The following EFNA5 variants were observed in gnomAD, a reference collection of about 807,000 sequenced individuals.
EFNA5 encodes the protein ephrin-A5.
A neutral mutation model predicts 22.9 loss-of-function variants in EFNA5; 5 were observed. That is an observed-to-expected ratio of 0.22 (90% confidence interval 0.11 to 0.46). The LOEUF is 0.46. Among genes scored for constraint, EFNA5 ranks in the 20% least tolerant of loss-of-function variants. The pLI is 0.99. For missense variants in EFNA5, 237 were observed against 293.3 expected (o/e 0.81, Z 1.40); for synonymous variants, 113 against 112.2 (o/e 1.01, Z -0.04).
At chr5:107,670,464 G>A (rs1242639432) in intron 1 of EFNA5, 25 bp downstream of exon 1, 13 of 1,548,016 alleles carry the variant, frequency 8.4e-6, no homozygotes, top group Non-Finnish European at 9.6e-6. Flanking sequence ...GGGTAGCCCT[G>A]GCTCTCCGCC....
rs76940760 is a variant in EFNA5 at position 107,417,912 on chromosome 5, G to T, written c.418+9305C>A. Among the ~76,000 whole-genome samples the T allele has an allele frequency of 2.0e-4, 31 of 152,314 alleles. No homozygotes were observed. The East Asian group carries it at 5.6e-3, about 27-fold the overall frequency. The stretch of plus-strand genomic sequence containing the variant: ...GAAAATAGAGCAAGAATAGATGAGT[G>T]GGAAAGTCTGTAGAAATAGTATTTC... On this transcript the variant is annotated intron_variant, in intron 2 of 4. Coordinates refer to ENST00000333274, the MANE Select transcript of EFNA5 (RefSeq NM_001962.3).
At chr5:107,556,580 TA>T (rs1232460774) in intron 1 of EFNA5, among the ~76,000 whole-genome samples, 1 of 151,892 alleles carries the variant, frequency 6.6e-6, no homozygotes, top group Non-Finnish European at 1.5e-5. Flanking sequence ...ACCCCGTTTC[TA>T]GTAAAAATAC....
intron 2 of EFNA5, among the ~76,000 whole-genome samples, chr5:107,409,766 C>T (rs1036799686): frequency 6.6e-6 from 1 of 152,144 alleles, no homozygotes; most frequent in Non-Finnish European, 1.5e-5. Flanking sequence ...TGCTATGAGT[C>T]AGAAGCACAG....
intron 1 of EFNA5, among the ~76,000 whole-genome samples, chr5:107,567,081 A>G (rs993114566): frequency 6.6e-6 from 1 of 152,232 alleles, no homozygotes; most frequent in African/African-American, 2.4e-5. Context: ...CAAAGAAATT[A>G]AAGCTAGATA....
In EFNA5 at chr5:107,415,531, G is replaced by A. The variant is rs142761716; in HGVS notation, c.418+11686C>T. 1.1e-3 allele frequency among the ~76,000 whole-genome samples: 164 copies of A among 152,240 alleles called. 1 individual carries two copies. The highest frequency in any genetic ancestry group is 3.7e-3 in the African/African-American group (155 of 41,530). Reference sequence around the variant, plus strand: ...AGTAAGAGAAGAAATCCACGTGAGCGGTGTGAAGCTTGTTTTTTGGAGGGC... The same window carrying A: ...AGTAAGAGAAGAAATCCACGTGAGCAGTGTGAAGCTTGTTTTTTGGAGGGC... On this transcript the variant is annotated intron_variant, in intron 2 of 4. Coordinates refer to ENST00000333274, the MANE Select transcript of EFNA5 (RefSeq NM_001962.3).
At chr5:107,443,138 G>A (rs1198676160) in intron 1 of EFNA5, among the ~76,000 whole-genome samples, 1 of 152,016 alleles carries the variant, frequency 6.6e-6, no homozygotes, top group Non-Finnish European at 1.5e-5. Flanking sequence ...ATATTAAATC[G>A]ACCAGCAACA....
chr5:107,527,704 T>C (rs1177716923), intron 1 of EFNA5, among the ~76,000 whole-genome samples: 1 of 152,008 alleles, frequency 6.6e-6, no homozygotes, highest in Admixed American at 6.6e-5. Context: ...CTTTTCAGAG[T>C]AGTCTCATGC....
At chr5:107,382,098 C>T (rs908714349) in intron 4 of EFNA5, among the ~76,000 whole-genome samples, 1 of 152,138 alleles carries the variant, frequency 6.6e-6, no homozygotes, top group Non-Finnish European at 1.5e-5. Flanking sequence ...AAATTATCAG[C>T]GTGGATGCAA....
chr5:107,455,494 A>C (rs1242732050), intron 1 of EFNA5, among the ~76,000 whole-genome samples: 1 of 152,178 alleles, frequency 6.6e-6, no homozygotes, highest in Non-Finnish European at 1.5e-5. Flanking sequence ...TTGTGGGATA[A>C]GGAATTACTA....
intron 1 of EFNA5, among the ~76,000 whole-genome samples, chr5:107,446,976 A>T (rs1435106562): frequency 6.6e-6 from 1 of 152,198 alleles, no homozygotes; most frequent in Non-Finnish European, 1.5e-5. Context: ...AGTGAATGTC[A>T]ATCCTTAAAT....
intron 1 of EFNA5, among the ~76,000 whole-genome samples, chr5:107,428,465 A>G (rs557348570): frequency 1.2e-3 from 176 of 152,102 alleles, no homozygotes; most frequent in Non-Finnish European, 1.7e-3. Flanking sequence ...TCATCTCACA[A>G]AAGTTTTGCT....
At chr5:107,438,603 T>C (rs1049976601) in intron 1 of EFNA5, among the ~76,000 whole-genome samples, 3 of 152,166 alleles carry the variant, frequency 2.0e-5, no homozygotes, top group Non-Finnish European at 4.4e-5. Flanking sequence ...TCCACCTACC[T>C]GACATCCAGT....
intron 1 of EFNA5, among the ~76,000 whole-genome samples, chr5:107,623,984 C>T (rs183710889): frequency 9.4e-4 from 143 of 151,924 alleles, no homozygotes; most frequent in Middle Eastern, 3.4e-3. Context: ...GTGGGGGAGT[C>T]GCCTACTTCA....
rs567228606 is a variant in EFNA5 at position 107,524,128 on chromosome 5, A to G, written c.126-96619T>C. On this transcript the variant is annotated intron_variant, in intron 1 of 4. Coordinates refer to ENST00000333274, the MANE Select transcript of EFNA5 (RefSeq NM_001962.3). ...GATACTATTTAACCTCTTTTCACCC[A>G]TGGCAATCTTTACCGTAGATGAAGT... 9.8e-4 allele frequency among the ~76,000 whole-genome samples: 149 copies of G among 152,320 alleles called. 1 individual carries two copies. The highest frequency in any genetic ancestry group is 3.2e-3 in the African/African-American group (134 of 41,568).
chr5:107,639,980 A>T (rs1750469142), intron 1 of EFNA5, among the ~76,000 whole-genome samples: 1 of 152,326 alleles, frequency 6.6e-6, no homozygotes, highest in Non-Finnish European at 1.5e-5. Flanking sequence ...ACTTATGAAA[A>T]ACTGAAAACA....
In EFNA5 at chr5:107,540,672, G is replaced by T. The variant is rs908161968; in HGVS notation, c.126-113163C>A. On this transcript the variant is annotated intron_variant, in intron 1 of 4. Coordinates refer to ENST00000333274, the MANE Select transcript of EFNA5 (RefSeq NM_001962.3). ...ATGCTTTAGGAGTAAAAATTTGTAA[G>T]AACTTATCAAAAGCATTATTCAATA... is the stretch of plus-strand genomic sequence containing the variant. Among the ~76,000 whole-genome samples, 10 of 152,220 alleles carry T rather than the reference G, an allele frequency of 6.6e-5. No individual in the cohort carries two copies. In the South Asian group the frequency reaches 2.1e-3, roughly 32 times the overall value.
At chr5:107,430,742 C>T (rs945346674) in intron 1 of EFNA5, among the ~76,000 whole-genome samples, 4 of 149,232 alleles carry the variant, frequency 2.7e-5, no homozygotes, top group Non-Finnish European at 4.4e-5. Context: ...TTCAAACATG[C>T]GATTGCCCCA....
intron 1 of EFNA5, among the ~76,000 whole-genome samples, chr5:107,630,274 A>T (rs569675369): frequency 6.6e-6 from 1 of 152,286 alleles, no homozygotes; most frequent in East Asian, 1.9e-4. Flanking sequence ...AGAAATCATT[A>T]GGTGATTTTA....
intron 2 of EFNA5, among the ~76,000 whole-genome samples, chr5:107,424,577 C>T (rs1304296590): frequency 1.3e-5 from 2 of 152,008 alleles, no homozygotes; most frequent in African/African-American, 4.8e-5. Context: ...CTAAGAGGTA[C>T]TGCTGTCCTA....
Sources: gnomAD v4.1 joint callset for allele counts (sites outside exome capture counted in the v4.1 genomes callset) on GRCh38, gnomAD v4.1.1 for gene constraint, MANE v1.5 for transcripts, NCBI Gene and HGNC (gene_info 2026-07-23, HGNC 2026-07-21) for gene names.